Variants in HERC3 observed in about 807,000 individuals in gnomAD.
HERC3 encodes the protein probable E3 ubiquitin-protein ligase HERC3.
In HERC3, 58 loss-of-function variants were observed where a neutral mutation model predicts 129.9. That is an observed-to-expected ratio of 0.45 (90% CI 0.36 to 0.56). The LOEUF (loss-of-function observed/expected upper bound fraction) is 0.56, where lower values mean the gene tolerates loss of function less well. Ranked by LOEUF, HERC3 falls within the 20% of genes least tolerant of loss-of-function variation. HERC3 has a pLI of 0.00. For missense variants in HERC3, 835 were observed against 1,244.2 expected (o/e 0.67, Z 4.95); for synonymous variants, 430 against 451.0 (o/e 0.95, Z 0.59).
chr4:88,612,564 A>AT (rs1420353099), intron 3 of HERC3, among the ~76,000 whole-genome samples: 2 of 152,266 alleles, frequency 1.3e-5, no homozygotes, highest in Non-Finnish European at 2.9e-5. Context: ...GTATTGGATT[A>AT]TAAGTCTTTT....
chr4:88,604,403 A>G (rs1448971689), intron 2 of HERC3, among the ~76,000 whole-genome samples: 1 of 152,266 alleles, frequency 6.6e-6, no homozygotes, highest in Admixed American at 6.5e-5. Context: ...ACCTAAATTT[A>G]GAACATTTTA....
At chr4:88,693,680 GTGTC>G in intron 23 of HERC3, 1 of 984,496 alleles carries the variant, frequency 1.0e-6, no homozygotes, top group Non-Finnish European at 1.2e-6. Context: ...ATGTGTAAAT[GTGTC>G]TATGTGTATG....
the HERC3 span, among the ~76,000 whole-genome samples, chr4:88,564,549 T>A: frequency 6.6e-6 from 1 of 152,196 alleles, no homozygotes. Flanking sequence ...AAGCAGTCTC[T>A]AATGATCCTT....
In HERC3 at chr4:88,704,320, G is replaced by A. The variant is rs756910347; in HGVS notation, c.2841+39G>A. On this transcript the variant is annotated intron_variant, in intron 24 of 25. Transcript: ENST00000402738. ...ATCCTTTAACTCCTTTAACTCCGGC[G>A]AAGCAGCAGCAGCCTGGGGAGGTGT... The A allele has an allele frequency of 9.1e-5, 145 of 1,596,270 alleles. 1 individual carries two copies. The highest frequency in any genetic ancestry group is 3.4e-4 in the Middle Eastern group (2 of 5,960).
At chr4:88,653,202 A>C (rs1182056973) in intron 6 of HERC3, 112 bp downstream of exon 6, 7 of 1,025,482 alleles carry the variant, frequency 6.8e-6, no homozygotes, top group Non-Finnish European at 8.7e-6. Flanking sequence ...AGGGAGAAGC[A>C]GTGAACACAA....
chr4:88,595,950 T>C lies in HERC3; in HGVS notation c.-30+336T>C, dbSNP rs1015385910. ...TGCAGGCTCCGCCCCCCGGGGTTCA[T>C]GCCATTCTCCTGCCTCAGCCTCCCG... On this transcript the variant is annotated intron_variant, in intron 2 of 25. Coordinates refer to ENST00000402738, the MANE Select transcript of HERC3 (RefSeq NM_014606.3). Among the ~76,000 whole-genome samples, 11 of 147,234 alleles carry C rather than the reference T, an allele frequency of 7.5e-5. 1 individual carries two copies. Among genetic ancestry groups the C allele is most frequent in the South Asian group, 4.4e-4 (2 of 4,522 alleles).
At chr4:88,581,593 A>AATGTG in the HERC3 span, among the ~76,000 whole-genome samples, 2 of 151,904 alleles carry the variant, frequency 1.3e-5, no homozygotes, top group African/African-American at 4.8e-5. Flanking sequence ...GGTGTGTGCC[A>AATGTG]ATGTGCCCGG....
chr4:88,633,027 C>T (rs898461471), intron 3 of HERC3, among the ~76,000 whole-genome samples: 2 of 152,178 alleles, frequency 1.3e-5, no homozygotes, highest in African/African-American at 4.8e-5. Context: ...AACAATGATT[C>T]AGAAGACTGT....
chr4:88,559,930 C>T, the HERC3 span, among the ~76,000 whole-genome samples: 1 of 151,994 alleles, frequency 6.6e-6, no homozygotes, highest in East Asian at 1.9e-4. Flanking sequence ...TCTCTTTTCT[C>T]CACATCCTAG....
rs370988235 is a variant in HERC3 at position 88,676,296 on chromosome 4, G to T, written c.1936-38G>T. The T allele has an allele frequency of 4.0e-5, 62 of 1,557,032 alleles. No homozygotes were observed. In the African/African-American group the frequency reaches 7.6e-4, roughly 19 times the overall value. ...TATTTTTCCAGCTATACTTTCTGTG[G>T]AATAGTATAATACTGTCAATAATGT... On this transcript the variant is annotated intron_variant, in intron 17 of 25. Coordinates refer to ENST00000402738, the MANE Select transcript of HERC3 (RefSeq NM_014606.3).
chr4:88,634,420 T>C (rs1043495395), intron 3 of HERC3, among the ~76,000 whole-genome samples: 1 of 152,166 alleles, frequency 6.6e-6, no homozygotes, highest in Non-Finnish European at 1.5e-5. Context: ...CAGCCAACAC[T>C]GCAGCTTCAG....
rs767429721 is a variant in HERC3, at chr4:88,676,241, G to C, written c.1935G>C (p.Gln645His). ...AGAAGGCTAGACCATCAATAATACA[G>C]GTAAATGATCCTTTTTAAATTTGCT... ...AGMKARPSII[Q>H]DTVTLCSYPF... is the part of the protein sequence containing the mutation. Residue 645 changes from glutamine to histidine, a missense_variant and splice_region_variant, in exon 17 of 26, where the codon CAG becomes CAC. By Grantham distance (24) the Gln-to-His change is conservative (BLOSUM62 0). Coordinates refer to ENST00000402738, the MANE Select transcript of HERC3 (RefSeq NM_014606.3). 2 of 1,570,456 alleles carry C rather than the reference G, an allele frequency of 1.3e-6. No homozygotes were observed. Among genetic ancestry groups the C allele is most frequent in the African/African-American group, 2.7e-5 (2 of 74,108 alleles).
chr4:88,688,891 A>G (rs1448516808), intron 23 of HERC3, among the ~76,000 whole-genome samples: 1 of 152,188 alleles, frequency 6.6e-6, no homozygotes, highest in East Asian at 1.9e-4. Context: ...GGATTTGAGC[A>G]TAATTTGCAC....
At chr4:88,691,294 A>ATG (rs1237235189) in intron 23 of HERC3, among the ~76,000 whole-genome samples, 2 of 152,184 alleles carry the variant, frequency 1.3e-5, no homozygotes, top group Non-Finnish European at 2.9e-5. Flanking sequence ...ACTGATGTAT[A>ATG]TGTCTGTGTC....
At chr4:88,533,062 G>A in the HERC3 span, among the ~76,000 whole-genome samples, 1 of 152,110 alleles carries the variant, frequency 6.6e-6, no homozygotes, top group Non-Finnish European at 1.5e-5. Flanking sequence ...TAGGGAAGCC[G>A]ACAGCGCAGC....
At chr4:88,580,252 C>T in the HERC3 span, among the ~76,000 whole-genome samples, 7 of 152,160 alleles carry the variant, frequency 4.6e-5, no homozygotes, top group African/African-American at 2.4e-5. Context: ...AGTCCAGGTG[C>T]AGTGGATCAT....
chr4:88,654,387 T>TATATATATATATATATAC (rs1321614619), intron 7 of HERC3, among the ~76,000 whole-genome samples: 1 of 94,334 alleles, frequency 1.1e-5, no homozygotes, highest in Non-Finnish European at 2.4e-5. Context: ...TATATATATA[T>TATATATATATATATATAC]ACACACACAC....
chr4:88,611,311 G>A (rs1419818375), intron 3 of HERC3, among the ~76,000 whole-genome samples: 1 of 152,166 alleles, frequency 6.6e-6, no homozygotes, highest in African/African-American at 2.4e-5. Flanking sequence ...GAATGAACTT[G>A]TTTTCTGTGT....
chr4:88,641,719 C>A (rs1221834495), intron 3 of HERC3, among the ~76,000 whole-genome samples: 1 of 152,156 alleles, frequency 6.6e-6, no homozygotes, highest in Non-Finnish European at 1.5e-5. Context: ...ATGGACAATT[C>A]TTCCAAAACC....
Sources: gnomAD v4.1 joint callset for allele counts (sites outside exome capture counted in the v4.1 genomes callset) on GRCh38, gnomAD v4.1.1 for gene constraint, MANE v1.5 for transcripts, NCBI Gene and HGNC (gene_info 2026-07-23, HGNC 2026-07-21) for gene names.